PRKCH: variants seen among roughly 807,000 people sequenced by gnomAD.
The protein encoded by PRKCH is protein kinase C eta type.
A neutral mutation model predicts 82.5 loss-of-function variants in PRKCH; 28 were observed. The observed-to-expected ratio is 0.34, with a 90% CI of 0.25 to 0.47. PRKCH has a LOEUF of 0.47. Ranked by LOEUF, PRKCH falls within the 20% of genes least tolerant of loss-of-function variation. PRKCH has a pLI of 1.00. For synonymous variants in PRKCH, 322 were observed against 327.4 expected (o/e 0.98, Z 0.18); for missense variants, 705 against 881.8 (o/e 0.80, Z 2.54).
At chr14:61,234,830 A>G (rs2044774332) in intron 1 of PRKCH, among the ~76,000 whole-genome samples, 1 of 152,234 alleles carries the variant, frequency 6.6e-6, no homozygotes, top group African/African-American at 2.4e-5. Flanking sequence ...GGCCATCAGC[A>G]TCAGTCTCAC....
intron 1 of PRKCH, among the ~76,000 whole-genome samples, chr14:61,343,451 G>T (rs1566829655): frequency 6.6e-6 from 1 of 151,070 alleles, no homozygotes; most frequent in Non-Finnish European, 1.5e-5. Flanking sequence ...AACTATAAAA[G>T]GACTGGACTC....
chr14:61,333,914 C>T (rs1363278393), intron 1 of PRKCH, among the ~76,000 whole-genome samples: 1 of 152,068 alleles, frequency 6.6e-6, no homozygotes, highest in Non-Finnish European at 1.5e-5. Flanking sequence ...CCTGCCTGAT[C>T]CTCTTACCCT....
At chr14:61,519,274 T>TATGAATGA (rs34647037) in intron 10 of PRKCH, among the ~76,000 whole-genome samples, 7 of 147,160 alleles carry the variant, frequency 4.8e-5, no homozygotes, top group East Asian at 4.1e-4. Flanking sequence ...AGAATGAGAT[T>TATGAATGA]ATGAATGAAT....
chr14:61,361,750 C>A (rs2046228092), intron 1 of PRKCH, among the ~76,000 whole-genome samples: 1 of 152,048 alleles, frequency 6.6e-6, no homozygotes, highest in Non-Finnish European at 1.5e-5. Flanking sequence ...GGGACAATTT[C>A]TTTGTGTGGA....
intron 1 of PRKCH, among the ~76,000 whole-genome samples, chr14:61,267,664 G>A (rs1260714199): frequency 6.6e-6 from 1 of 152,164 alleles, no homozygotes; most frequent in African/African-American, 2.4e-5. Context: ...TTCTCAGAAT[G>A]GATTGATAGT....
intron 1 of PRKCH, among the ~76,000 whole-genome samples, chr14:61,203,956 A>G (rs1052049384): frequency 1.9e-4 from 29 of 152,216 alleles, no homozygotes; most frequent in African/African-American, 6.3e-4. Context: ...AATGCTAGCA[A>G]TAATCAGAAT....
intron 1 of PRKCH, among the ~76,000 whole-genome samples, chr14:61,201,434 G>C (rs997281083): frequency 2.0e-5 from 3 of 152,002 alleles, no homozygotes; most frequent in African/African-American, 7.3e-5. Context: ...TATCCAATCA[G>C]CAATAAATTA....
At chr14:61,528,784 C>G (rs746526201) in intron 10 of PRKCH, 55 of 221,270 alleles carry the variant, frequency 2.5e-4, no homozygotes, top group Non-Finnish European at 9.1e-5. Context: ...AGAAAAGCCA[C>G]ATTCTGCCCT....
chr14:61,445,643 G>A, intron 3 of PRKCH, 49 bp from the exon 4 acceptor site: 1 of 1,523,716 alleles, frequency 6.6e-7, no homozygotes, highest in African/African-American at 1.4e-5. Context: ...ACTATAAGAG[G>A]GTTATTGCTG....
rs562194634 is a variant in PRKCH at position 61,326,029 on chromosome 14, C to T, written c.363+3565C>T. ...TGGTGAGGAATGTAAAATGGTAAATCATGTTGGAAAATAGTTTGGCAGTTT... is the reference window on the plus strand; with the variant it reads ...TGGTGAGGAATGTAAAATGGTAAATTATGTTGGAAAATAGTTTGGCAGTTT... On this transcript the variant is annotated intron_variant, in intron 1 of 13. Transcript: ENST00000332981. Among the ~76,000 whole-genome samples, 62 of 152,296 alleles carry T rather than the reference C, an allele frequency of 4.1e-4. 1 individual carries two copies. Among genetic ancestry groups the T allele is most frequent in the African/African-American group, 1.4e-3 (57 of 41,558 alleles).
At chr14:61,260,710 G>A (rs2045037820) in intron 1 of PRKCH, among the ~76,000 whole-genome samples, 1 of 152,134 alleles carries the variant, frequency 6.6e-6, no homozygotes, top group African/African-American at 2.4e-5. Flanking sequence ...GATGAGAGTG[G>A]GAGATGATTA....
At chr14:61,201,007 A>G (rs1302321437) in intron 1 of PRKCH, among the ~76,000 whole-genome samples, 2 of 152,178 alleles carry the variant, frequency 1.3e-5, no homozygotes, top group Non-Finnish European at 2.9e-5. Flanking sequence ...AATACAAAAA[A>G]TCATGGTTTA....
intron 1 of PRKCH, among the ~76,000 whole-genome samples, chr14:61,188,930 G>T (rs2044389334): frequency 6.6e-6 from 1 of 152,046 alleles, no homozygotes; most frequent in South Asian, 2.1e-4. Context: ...ATGTTGATCA[G>T]GCTGGTCTCG....
intron 10 of PRKCH, among the ~76,000 whole-genome samples, chr14:61,494,513 T>G (rs1389321757): frequency 6.6e-6 from 1 of 152,238 alleles, no homozygotes; most frequent in Admixed American, 6.5e-5. Context: ...CCTGGGGATG[T>G]GGGCAGGTTG....
intron 1 of PRKCH, chr14:61,354,126 C>G (rs2046116967): frequency 6.6e-6 from 1 of 152,092 alleles, no homozygotes; most frequent in Non-Finnish European, 1.5e-5. Flanking sequence ...TGAAAATTGA[C>G]TGGAACAATT....
intron 1 of PRKCH, among the ~76,000 whole-genome samples, chr14:61,202,749 G>A (rs1006471393): frequency 5.9e-5 from 9 of 152,034 alleles, no homozygotes; most frequent in Non-Finnish European, 1.0e-4. Context: ...CAGAAAAATC[G>A]TATGGGAAGT....
At chr14:61,463,736 T>G (rs971516385) in intron 9 of PRKCH, among the ~76,000 whole-genome samples, 3 of 152,214 alleles carry the variant, frequency 2.0e-5, no homozygotes, top group Admixed American at 2.0e-4. Context: ...ATCTCTCTAA[T>G]CCTCCAGCCT....
intron 1 of PRKCH, among the ~76,000 whole-genome samples, chr14:61,381,772 C>T (rs1011800806): frequency 2.0e-5 from 3 of 152,256 alleles, no homozygotes; most frequent in Non-Finnish European, 2.9e-5. Context: ...GCTAGTGGCA[C>T]GAGTCTTGCC....
At chr14:61,507,201 C>G (rs1887186521) in intron 10 of PRKCH, among the ~76,000 whole-genome samples, 1 of 152,180 alleles carries the variant, frequency 6.6e-6, no homozygotes, top group Admixed American at 6.5e-5. Flanking sequence ...CTCAACATCA[C>G]TAACCATCTG....
Sources: gnomAD v4.1 joint callset for allele counts (sites outside exome capture counted in the v4.1 genomes callset) on GRCh38, gnomAD v4.1.1 for gene constraint, MANE v1.5 for transcripts, NCBI Gene and HGNC (gene_info 2026-07-23, HGNC 2026-07-21) for gene names.